Variants in MAPK8IP3 observed in about 807,000 individuals in gnomAD.
MAPK8IP3 encodes the protein C-Jun-amino-terminal kinase-interacting protein 3.
Under a neutral mutation model 157.8 loss-of-function variants are expected in MAPK8IP3, and 49 were observed. That is an observed-to-expected ratio of 0.31 (90% CI 0.25 to 0.39). The LOEUF is 0.39. MAPK8IP3 is among the 10% of genes least tolerant of loss of function. The probability of loss-of-function intolerance (pLI) is 1.00; values close to 1 mark genes in which losing one functional copy is unlikely to be tolerated. For synonymous variants in MAPK8IP3, 897 were observed against 777.7 expected (o/e 1.15, Z -2.55); for missense variants, 1,478 against 1,889.4 (o/e 0.78, Z 4.04).
chr16:1,758,217 C>T (rs1022873678), intron 9 of MAPK8IP3, 58 bp downstream of exon 9: 219 of 1,597,604 alleles, frequency 1.4e-4, no homozygotes, highest in Non-Finnish European at 1.7e-4. Context: ...AGTGGGTGGA[C>T]GGGGGATGCC....
At chr16:1,740,637 T>C (rs1346609783) in intron 4 of MAPK8IP3, among the ~76,000 whole-genome samples, 1 of 152,200 alleles carries the variant, frequency 6.6e-6, no homozygotes, top group Non-Finnish European at 1.5e-5. Context: ...CCTGTCTCCT[T>C]GTCTTGCCCT....
At position 1,765,195 on chromosome 16, in the gene MAPK8IP3, G is replaced by C. The variant is rs894562771; in HGVS notation, c.2446+17G>C. On this transcript the variant is annotated intron_variant, in intron 20 of 31. Transcript: ENST00000610761. ...GCATCCCCGGTGAGCAGCTGGAGTG[G>C]GCGTTTCCACTCGGGCGCCACTCCC... The C allele has an allele frequency of 5.1e-6, 8 of 1,580,462 alleles. No homozygotes were observed. The highest frequency in any genetic ancestry group is 6.9e-6 in the Non-Finnish European group (8 of 1,155,720).
chr16:1,758,392 C>A (rs767874946), intron 9 of MAPK8IP3, among the ~76,000 whole-genome samples: 1 of 152,098 alleles, frequency 6.6e-6, no homozygotes, highest in African/African-American at 2.4e-5. Flanking sequence ...GAGTCCCCCG[C>A]GGGCCATTTC....
Position 1,756,621 on chromosome 16 carries a change from AAAAC to A in MAPK8IP3, c.1217-1525_1217-1522del, listed in dbSNP as rs2041612477. Among the ~76,000 whole-genome samples, 4 of 114,152 alleles carry A rather than the reference AAAAC, an allele frequency of 3.5e-5. No individual in the cohort carries two copies. The Admixed American group carries it at 3.6e-4, about 10-fold the overall frequency. 74.9% of individuals were successfully genotyped at this position (114,152 alleles called of 152,430 possible). A position where few individuals can be genotyped will look rare whatever the true frequency, so the allele number is the denominator to read the frequency against. On this transcript the variant is annotated intron_variant, in intron 8 of 31. Coordinates refer to ENST00000610761, the MANE Select transcript of MAPK8IP3 (RefSeq NM_001318852.2). The stretch of plus-strand genomic sequence containing the variant: ...AACATAGTGAGACCTCATTTTTACT[AAAAC>A]ACACACACACACACACACACACACA...
intron 8 of MAPK8IP3, among the ~76,000 whole-genome samples, chr16:1,749,298 C>G (rs2041159099): frequency 1.3e-5 from 2 of 152,212 alleles, no homozygotes; most frequent in South Asian, 4.1e-4. Flanking sequence ...GAAATCCATG[C>G]CTGTTAGCCT....
intron 1 of MAPK8IP3, among the ~76,000 whole-genome samples, chr16:1,717,420 G>C (rs1194751109): frequency 6.6e-6 from 1 of 152,180 alleles, no homozygotes; most frequent in Non-Finnish European, 1.5e-5. Flanking sequence ...GTTGTTTCGT[G>C]TCTCGACTGA....
intron 4 of MAPK8IP3, among the ~76,000 whole-genome samples, chr16:1,740,305 C>T (rs1156888151): frequency 2.8e-5 from 4 of 145,268 alleles, no homozygotes; most frequent in African/African-American, 7.7e-5. Flanking sequence ...TGTGAGCATC[C>T]GTGTGATCAT....
intron 11 of MAPK8IP3, 107 bp from the exon 12 acceptor site, chr16:1,760,273 C>T (rs776983963): frequency 7.7e-6 from 11 of 1,426,514 alleles, no homozygotes; most frequent in African/African-American, 1.4e-5. Context: ...ACCTTCCTAA[C>T]CAGGCTGTGC....
intron 17 of MAPK8IP3, 51 bp downstream of exon 17, chr16:1,763,834 G>A: frequency 7.4e-7 from 1 of 1,342,616 alleles, no homozygotes; most frequent in Middle Eastern, 2.7e-4. Flanking sequence ...AGGCGGGGCG[G>A]GGGTAAGGGG....
chr16:1,720,235 C>T (rs892861891), intron 1 of MAPK8IP3, among the ~76,000 whole-genome samples: 17 of 152,164 alleles, frequency 1.1e-4, no homozygotes, highest in African/African-American at 4.1e-4. Context: ...GGGGTTTCAC[C>T]GTGTTGGCCA....
chr16:1,752,399 G>C (rs777733747), intron 8 of MAPK8IP3: 1 of 274,020 alleles, frequency 3.6e-6, no homozygotes, highest in Non-Finnish European at 7.4e-6. Flanking sequence ...GCTCTTGGGA[G>C]TAACAGACCT....
At chr16:1,735,700 TGTCCGTGTGAGCATCCGTGTGACC>T (rs2039685755) in intron 4 of MAPK8IP3, among the ~76,000 whole-genome samples, 1 of 104,180 alleles carries the variant, frequency 9.6e-6, no homozygotes. Flanking sequence ...TCTGTGTGCC[TGTCCGTGTGAGCATCCGTGTGACC>T]GTCCATGTGA....
intron 3 of MAPK8IP3, 73 bp downstream of exon 3, chr16:1,729,281 G>A (rs555148796): frequency 4.4e-5 from 68 of 1,533,644 alleles, no homozygotes; most frequent in Middle Eastern, 1.7e-4. Context: ...CGACTCTTGC[G>A]GACCGTGGTT....
Position 1,743,050 on chromosome 16 carries a change from G to A in MAPK8IP3, c.603-282G>A, listed in dbSNP as rs948604253. On this transcript the variant is annotated intron_variant, in intron 4 of 31. Coordinates refer to ENST00000610761, the MANE Select transcript of MAPK8IP3 (RefSeq NM_001318852.2). The surrounding 1 kb of genome is among the most constrained non-coding windows in gnomAD (Gnocchi z 5.6). ...GTGGAACTTGCAGTGAGCCAAGTTC[G>A]TGCCACTGCACTCCAGCCTGGGTGA... Among the ~76,000 whole-genome samples the A allele has an allele frequency of 5.9e-5, 9 of 152,108 alleles. No homozygotes were observed. Among genetic ancestry groups the A allele is most frequent in the Admixed American group, 2.0e-4 (3 of 15,274 alleles).
intron 1 of MAPK8IP3, among the ~76,000 whole-genome samples, chr16:1,712,645 C>G (rs1218168712): frequency 6.6e-6 from 1 of 152,182 alleles, no homozygotes; most frequent in Non-Finnish European, 1.5e-5. Flanking sequence ...GTGAGGCTGT[C>G]TTCCCCAGGT....
At chr16:1,745,353 C>T (rs1305312381) in intron 5 of MAPK8IP3, 1 of 177,846 alleles carries the variant, frequency 5.6e-6, no homozygotes, top group Non-Finnish European at 1.1e-5. Flanking sequence ...GGTGAGACAC[C>T]AGGTGCCTGT....
chr16:1,768,422 G>C, intron 30 of MAPK8IP3, 44 bp downstream of exon 30: 1 of 1,597,060 alleles, frequency 6.3e-7, no homozygotes, highest in Non-Finnish European at 8.5e-7. Context: ...CTGCATGCCA[G>C]TGGCCGCCGC....
In MAPK8IP3 at chr16:1,764,282, C is replaced by T. The variant is rs1201917807; in HGVS notation, c.2122-19C>T. The T allele has an allele frequency of 1.9e-6, 3 of 1,584,238 alleles. No individual in the cohort carries two copies. Among genetic ancestry groups the T allele is most frequent in the African/African-American group, 1.3e-5 (1 of 74,130 alleles). Reference sequence around the variant, plus strand: ...CTGGGGAGTGCCGGTGACACCCGACCTCGGCCCTGCCCTTGCAGCTGTGGT... The same window carrying T: ...CTGGGGAGTGCCGGTGACACCCGACTTCGGCCCTGCCCTTGCAGCTGTGGT... On this transcript the variant is annotated intron_variant, in intron 18 of 31. Coordinates refer to ENST00000610761, the MANE Select transcript of MAPK8IP3 (RefSeq NM_001318852.2).
At chr16:1,717,235 C>CAAA in intron 1 of MAPK8IP3, among the ~76,000 whole-genome samples, 1 of 60,388 alleles carries the variant, frequency 1.7e-5, no homozygotes, top group South Asian at 5.4e-4. Flanking sequence ...AACTCCATCT[C>CAAA]AAAAAAAAAA....
Sources: gnomAD v4.1 joint callset for allele counts (sites outside exome capture counted in the v4.1 genomes callset) on GRCh38, gnomAD v4.1.1 for gene constraint, Gnocchi (gnomAD v3.1) non-coding constraint, MANE v1.5 for transcripts, NCBI Gene and HGNC (gene_info 2026-07-23, HGNC 2026-07-21) for gene names.